Variants in IPO11 observed in about 807,000 individuals in gnomAD.
The protein encoded by IPO11 is importin 11.
IPO11 carries 66 observed loss-of-function variants against 143.2 expected under a neutral mutation model. The observed-to-expected ratio is 0.46, with a 90% confidence interval of 0.38 to 0.57. IPO11 has a LOEUF of 0.57. IPO11 is among the 20% of genes least tolerant of loss of function. The probability of loss-of-function intolerance (pLI) is 0.00; values close to 1 mark genes in which losing one functional copy is unlikely to be tolerated. For synonymous variants in IPO11, 385 were observed against 377.8 expected, an observed-to-expected ratio of 1.02 and a Z score of -0.22; for missense variants, 1,026 against 1,141.0, an observed-to-expected ratio of 0.90 and a Z score of 1.45.
chr5:62,579,341 T>C, intron 27 of IPO11: 3 of 1,059,890 alleles, frequency 2.8e-6, no homozygotes, highest in Non-Finnish European at 2.8e-6. Flanking sequence ...TATAGTATTA[T>C]AAAAAAAATT....
chr5:62,611,302 A>C (rs1402823858), intron 29 of IPO11, among the ~76,000 whole-genome samples: 1 of 152,172 alleles, frequency 6.6e-6, no homozygotes, highest in Admixed American at 6.5e-5. Flanking sequence ...AAATAATCCA[A>C]CTGAGATGCA....
chr5:62,620,508 G>C (rs1411312513), intron 29 of IPO11, among the ~76,000 whole-genome samples: 4 of 117,916 alleles, frequency 3.4e-5, no homozygotes, highest in Admixed American at 1.0e-4. Context: ...AACAGAGCGA[G>C]ACTCTGTCTA....
At chr5:62,506,390 G>T in intron 19 of IPO11, 33 bp downstream of exon 19, 1 of 1,184,324 alleles carries the variant, frequency 8.4e-7, no homozygotes, top group South Asian at 1.3e-5. Flanking sequence ...AAATAAATGA[G>T]GGGTGGGTAG....
rs115103706 is a variant in IPO11 at position 62,596,500 on chromosome 5, G to T, written c.2678+4828G>T. Among the ~76,000 whole-genome samples, 715 of 152,266 alleles carry T rather than the reference G, an allele frequency of 4.7e-3. 7 individuals are homozygous for T. Among genetic ancestry groups the T allele is most frequent in the African/African-American group, 0.017 (691 of 41,554 alleles). Reference sequence around the variant, plus strand: ...CTTAGAAAGGTCACTTTGGTCCATTGTGGAGGAAGACTGGCGGGGTAGATG... The same window carrying T: ...CTTAGAAAGGTCACTTTGGTCCATTTTGGAGGAAGACTGGCGGGGTAGATG... On this transcript the variant is annotated intron_variant, in intron 28 of 29. Coordinates refer to ENST00000325324, the MANE Select transcript of IPO11 (RefSeq NM_016338.5).
intron 19 of IPO11, 84 bp from the exon 20 acceptor site, chr5:62,515,304 T>G (rs748484391): frequency 2.3e-5 from 18 of 788,624 alleles, no homozygotes; most frequent in Non-Finnish European, 3.8e-5. Context: ...GTCTGGGACT[T>G]AATAGTGCTC....
At chr5:62,486,251 AT>A (rs1166955643) in intron 12 of IPO11, among the ~76,000 whole-genome samples, 1 of 152,120 alleles carries the variant, frequency 6.6e-6, no homozygotes, top group East Asian at 1.9e-4. Flanking sequence ...AAGTGCTGGG[AT>A]TACAGGCGTG....
intron 26 of IPO11, among the ~76,000 whole-genome samples, chr5:62,560,418 G>A (rs1743732822): frequency 6.6e-6 from 1 of 152,154 alleles, no homozygotes; most frequent in Non-Finnish European, 1.5e-5. Context: ...TGCTCTTAGG[G>A]TTTTCAGTGA....
At chr5:62,614,662 G>GACAACATCCAGAGGGAA (rs1353542442) in intron 29 of IPO11, among the ~76,000 whole-genome samples, 3 of 152,202 alleles carry the variant, frequency 2.0e-5, no homozygotes, top group African/African-American at 7.2e-5. Context: ...CCAGCCCCAT[G>GACAACATCCAGAGGGAA]ACAACATCCA....
chr5:62,535,000 G>T (rs528450218), intron 22 of IPO11, among the ~76,000 whole-genome samples: 108 of 142,066 alleles, frequency 7.6e-4, no homozygotes, highest in African/African-American at 2.7e-3. Flanking sequence ...TTAATTTTAA[G>T]GCTATGTATA....
intron 27 of IPO11, among the ~76,000 whole-genome samples, chr5:62,572,133 T>G (rs1474580354): frequency 6.6e-6 from 1 of 152,272 alleles, no homozygotes; most frequent in East Asian, 1.9e-4. Context: ...AATGCTCTTT[T>G]GCCTAATTTT....
chr5:62,478,055 T>C (rs1746028086), intron 9 of IPO11, among the ~76,000 whole-genome samples: 1 of 152,208 alleles, frequency 6.6e-6, no homozygotes, highest in African/African-American at 2.4e-5. Context: ...GTCTGTGTGC[T>C]GCTTTCCCCT....
intron 9 of IPO11, among the ~76,000 whole-genome samples, chr5:62,481,303 A>G (rs555744361): frequency 6.6e-6 from 1 of 152,174 alleles, no homozygotes; most frequent in Non-Finnish European, 1.5e-5. Context: ...TATGTTGAAT[A>G]GGAGTGGTGA....
At chr5:62,510,030 C>G (rs1424481971) in intron 19 of IPO11, among the ~76,000 whole-genome samples, 2 of 152,168 alleles carry the variant, frequency 1.3e-5, no homozygotes, top group African/African-American at 4.8e-5. Flanking sequence ...TACAAAGATA[C>G]CAGTTTCTCC....
At chr5:62,422,059 T>G (rs1743533188) in intron 1 of IPO11, among the ~76,000 whole-genome samples, 1 of 152,230 alleles carries the variant, frequency 6.6e-6, no homozygotes, top group African/African-American at 2.4e-5. Context: ...GTTATCTCTA[T>G]TCAGTGCCTT....
chr5:62,429,587 CGTGTGTGTGTGTGTGT>C (rs56185914), intron 1 of IPO11, among the ~76,000 whole-genome samples: 6 of 128,582 alleles, frequency 4.7e-5, no homozygotes, highest in South Asian at 2.8e-4. Context: ...GTCTGATTTT[CGTGTGTGTGTGTGTGT>C]GTGTGTGTGT....
At chr5:62,598,355 T>C (rs1001934001) in intron 28 of IPO11, among the ~76,000 whole-genome samples, 9 of 151,530 alleles carry the variant, frequency 5.9e-5, no homozygotes, top group Admixed American at 2.0e-4. Context: ...TTTTGTCTTA[T>C]GTGAAACGAC....
chr5:62,490,185 C>A lies in IPO11; in HGVS notation c.1428C>A (p.Asn476Lys). ...DSVDFDQWFK[N>K]QLLPELQVIH... ...TTGATTTTGATCAGTGGTTTAAAAA[C>A]CAGCTTCTTCCAGAATTACAAGTCA... The change falls in exon 15 of 30, where the codon AAC becomes AAA. Residue 476 changes from asparagine to lysine, a missense_variant. Physicochemically the swap from Asn to Lys is moderately conservative, Grantham distance 94 (BLOSUM62 0). Coordinates refer to ENST00000325324, the MANE Select transcript of IPO11 (RefSeq NM_016338.5). 1 of 1,603,464 alleles carries A rather than the reference C, an allele frequency of 6.2e-7. No individual in the cohort carries two copies. The highest frequency in any genetic ancestry group is 1.1e-5 in the South Asian group (1 of 88,888).
intron 1 of IPO11, among the ~76,000 whole-genome samples, chr5:62,417,191 C>G (rs1743324760): frequency 6.6e-6 from 1 of 151,422 alleles, no homozygotes; most frequent in Admixed American, 6.6e-5. Context: ...CTTCAGGGCT[C>G]AAGTGATCCT....
intron 1 of IPO11, among the ~76,000 whole-genome samples, chr5:62,434,230 A>G (rs1159167075): frequency 4.6e-5 from 7 of 152,112 alleles, no homozygotes; most frequent in Non-Finnish European, 1.0e-4. Flanking sequence ...CACGTCTCTC[A>G]TAAATGTCAC....
Sources: gnomAD v4.1 joint callset for allele counts (sites outside exome capture counted in the v4.1 genomes callset) on GRCh38, gnomAD v4.1.1 for gene constraint, MANE v1.5 for transcripts, NCBI Gene and HGNC (gene_info 2026-07-23, HGNC 2026-07-21) for gene names.